The following SI variants were observed in gnomAD, a reference collection of about 807,000 sequenced individuals.
The protein encoded by SI is sucrase-isomaltase.
A neutral mutation model predicts 253.3 loss-of-function variants in SI; 235 were observed. The ratio of observed to expected loss-of-function variants is 0.93; its 90% CI spans 0.83 to 1.03. The LOEUF is 1.03. Ranked by LOEUF, SI falls within the 50% of genes least tolerant of loss-of-function variation. SI has a pLI of 0.00. For missense variants in SI, 2,442 were observed against 2,211.1 expected (o/e 1.10, Z -2.09); for synonymous variants, 819 against 712.0 (o/e 1.15, Z -2.39).
chr3:165,076,084 G>T, intron 1 of SI, 72 bp from the exon 2 acceptor site: 2 of 1,108,406 alleles, frequency 1.8e-6, no homozygotes, highest in South Asian at 3.5e-5. Context: ...CAATTCTCAT[G>T]AAATTACATA....
intron 44 of SI, among the ~76,000 whole-genome samples, chr3:164,990,083 G>C (rs1016684604): frequency 6.6e-6 from 1 of 152,080 alleles, no homozygotes; most frequent in African/African-American, 2.4e-5. Context: ...TGGGTGATAA[G>C]TGTTAGTGTT....
chr3:165,058,884 A>ACACACACACG (rs1236952458), intron 12 of SI, 79 bp downstream of exon 12: 8 of 1,173,374 alleles, frequency 6.8e-6, no homozygotes, highest in African/African-American at 6.1e-5. Context: ...ACACACACAC[A>ACACACACACG]CACGCACATC....
chr3:164,982,517 T>C, intron 46 of SI, 107 bp from the exon 47 acceptor site: 1 of 795,538 alleles, frequency 1.3e-6, no homozygotes, highest in Non-Finnish European at 2.1e-6. Context: ...TATAATAAAT[T>C]GTTTATTTGT....
chr3:165,021,407 AG>A (rs1711605545), intron 26 of SI, 24 bp from the exon 27 acceptor site: 2 of 1,587,796 alleles, frequency 1.3e-6, no homozygotes, highest in African/African-American at 1.3e-5. Context: ...GTAGTAAAAA[AG>A]TTTATTCTGA....
chr3:164,990,899 A>G lies in SI; in HGVS notation c.5108+454T>C, dbSNP rs1210048087. On this transcript the variant is annotated intron_variant, in intron 44 of 47. Transcript: ENST00000264382. ...TGTACCCTAAAACTTAAAGTATAGT[A>G]AAAAAAAAAATGAATAGCATTGGAC... is the stretch of plus-strand genomic sequence containing the variant. 4.2e-5 allele frequency among the ~76,000 whole-genome samples: 5 copies of G among 117,930 alleles called. No individual in the cohort carries two copies. The East Asian group carries it at 9.9e-4, about 23-fold the overall frequency. The allele number at this position is 117,930 out of a possible 152,430, so 77.4% of individuals were successfully genotyped here. A position where few individuals can be genotyped will look rare whatever the true frequency, so the allele number is the denominator to read the frequency against.
intron 37 of SI, among the ~76,000 whole-genome samples, chr3:165,005,796 G>A (rs945455686): frequency 2.0e-5 from 3 of 151,972 alleles, no homozygotes; most frequent in Non-Finnish European, 2.9e-5. Flanking sequence ...GCCCAGGCTG[G>A]AATGCAGTGG....
At chr3:165,023,864 T>A in intron 25 of SI, 88 bp from the exon 26 acceptor site, 1 of 877,680 alleles carries the variant, frequency 1.1e-6, no homozygotes, top group Non-Finnish European at 1.9e-6. Flanking sequence ...TAGTCACACA[T>A]TGTATGATTT....
At chr3:165,048,837 A>T (rs1174015143) in intron 15 of SI, among the ~76,000 whole-genome samples, 1 of 151,866 alleles carries the variant, frequency 6.6e-6, no homozygotes, top group Non-Finnish European at 1.5e-5. Context: ...GGCTGGTCTC[A>T]GACTCCTGAC....
chr3:165,073,939 G>A (rs971900860), intron 3 of SI, among the ~76,000 whole-genome samples: 1 of 151,772 alleles, frequency 6.6e-6, no homozygotes. Flanking sequence ...CCAATTCCCC[G>A]AGGATACCCA....
Position 165,023,198 on chromosome 3 carries a change from G to T in SI, c.3099+372C>A, listed in dbSNP as rs1443344863. ...AAAGTTGAATGAAATTATTGCTTTGGTATGTCTTATTGCATTGGCCAGAAA... is the reference window on the plus strand; with the variant it reads ...AAAGTTGAATGAAATTATTGCTTTGTTATGTCTTATTGCATTGGCCAGAAA... On this transcript the variant is annotated intron_variant, in intron 26 of 47. Coordinates refer to ENST00000264382, the MANE Select transcript of SI (RefSeq NM_001041.4). 2.0e-5 allele frequency among the ~76,000 whole-genome samples: 3 copies of T among 151,492 alleles called. No homozygotes were observed. The East Asian group carries it at 5.8e-4, about 30-fold the overall frequency.
At chr3:164,984,554 G>A (rs1437818948) in intron 45 of SI, among the ~76,000 whole-genome samples, 1 of 152,056 alleles carries the variant, frequency 6.6e-6, no homozygotes, top group Non-Finnish European at 1.5e-5. Flanking sequence ...GGGTAGCTTT[G>A]TTGTTTTTAA....
intron 3 of SI, 44 bp from the exon 4 acceptor site, chr3:165,069,239 T>C (rs761417167): frequency 8.1e-7 from 1 of 1,230,690 alleles, no homozygotes; most frequent in Admixed American, 1.7e-5. Flanking sequence ...ACTACTATTA[T>C]CAGATGTCCC....
the SI span, among the ~76,000 whole-genome samples, chr3:165,083,732 T>C: frequency 6.6e-6 from 1 of 152,040 alleles, no homozygotes; most frequent in Admixed American, 6.6e-5. Flanking sequence ...CATTATCTAT[T>C]ACCTTCTTTG....
intron 31 of SI, among the ~76,000 whole-genome samples, chr3:165,016,615 T>TTATC (rs1191649510): frequency 1.3e-5 from 2 of 151,988 alleles, no homozygotes; most frequent in African/African-American, 4.8e-5. Context: ...ACAGCCCTGC[T>TTATC]TATCTAAGCA....
chr3:165,013,613 G>T (rs1718875968), intron 33 of SI, among the ~76,000 whole-genome samples: 2 of 151,996 alleles, frequency 1.3e-5, no homozygotes, highest in African/African-American at 4.8e-5. Context: ...AAACAGAGCT[G>T]AAATTCAATT....
At chr3:165,062,800 G>T (rs1483040815) in intron 8 of SI, among the ~76,000 whole-genome samples, 2 of 151,970 alleles carry the variant, frequency 1.3e-5, no homozygotes, top group South Asian at 2.1e-4. Context: ...CTCTAAAACT[G>T]CATTTTTAAT....
At chr3:164,985,602 G>A (rs1717396747) in intron 45 of SI, among the ~76,000 whole-genome samples, 1 of 152,130 alleles carries the variant, frequency 6.6e-6, no homozygotes. Context: ...AAAGATGCAT[G>A]TCTTTGCTAT....
rs534361684 is a variant in SI, at chr3:165,030,487, G to A, written c.2892+225C>T. On this transcript the variant is annotated intron_variant, in intron 25 of 47. Coordinates refer to ENST00000264382, the MANE Select transcript of SI (RefSeq NM_001041.4). The stretch of plus-strand genomic sequence containing the variant: ...TTACATTATCCAAAGTTCCTGGAAA[G>A]CAATTTACACATCAATTCAGCCTGG... Among the ~76,000 whole-genome samples the A allele has an allele frequency of 1.7e-4, 25 of 151,030 alleles. 1 individual carries two copies. Among genetic ancestry groups the A allele is most frequent in the Admixed American group, 1.5e-3 (22 of 15,038 alleles).
In SI at chr3:165,049,259, A is replaced by G. The variant is rs978796955; in HGVS notation, c.1598-15T>C. On this transcript the variant is annotated splice_polypyrimidine_tract_variant and intron_variant, in intron 14 of 47. Coordinates refer to ENST00000264382, the MANE Select transcript of SI (RefSeq NM_001041.4). ...GTCAAGAATATCTTTGAGAAAATAC[A>G]TAAGAAACATTTCTTATATTTTTCC... The G allele has an allele frequency of 2.3e-6, 3 of 1,312,472 alleles. No individual in the cohort carries two copies. Among genetic ancestry groups the G allele is most frequent in the Non-Finnish European group, 3.3e-6 (3 of 907,690 alleles). The allele number at this position is 1,312,472 out of a possible 1,614,324, so 81.3% of individuals were successfully genotyped here.
Sources: gnomAD v4.1 joint callset for allele counts (sites outside exome capture counted in the v4.1 genomes callset) on GRCh38, gnomAD v4.1.1 for gene constraint, MANE v1.5 for transcripts, NCBI Gene and HGNC (gene_info 2026-07-23, HGNC 2026-07-21) for gene names.